The following PGAP1 variants were observed in gnomAD, a reference collection of about 807,000 sequenced individuals.
The protein encoded by PGAP1 is GPI inositol-deacylase.
Under a neutral mutation model 127.0 loss-of-function variants are expected in PGAP1, and 76 were observed. The ratio of observed to expected loss-of-function variants is 0.60; its 90% CI spans 0.50 to 0.72. PGAP1 has a LOEUF of 0.72. PGAP1 is among the 30% of genes least tolerant of loss of function. PGAP1 has a pLI of 0.00. For synonymous variants in PGAP1, 362 were observed against 366.5 expected, an observed-to-expected ratio of 0.99 and a Z score of 0.14; for missense variants, 982 against 1,071.3, an observed-to-expected ratio of 0.92 and a Z score of 1.16.
At chr2:196,911,942 T>C (rs1213943944) in intron 4 of PGAP1, among the ~76,000 whole-genome samples, 1 of 152,210 alleles carries the variant, frequency 6.6e-6, no homozygotes, top group Non-Finnish European at 1.5e-5. Flanking sequence ...CAGTACAGCA[T>C]GCAAAGGTTA....
intron 4 of PGAP1, among the ~76,000 whole-genome samples, 185 bp from the exon 5 acceptor site, chr2:196,902,927 C>T (rs921530899): frequency 1.3e-5 from 2 of 151,892 alleles, no homozygotes; most frequent in African/African-American, 4.8e-5. Flanking sequence ...TTCCTACTTC[C>T]CGATTAAATA....
chr2:196,886,343 T>C (rs897947660), intron 10 of PGAP1, among the ~76,000 whole-genome samples: 2 of 151,832 alleles, frequency 1.3e-5, no homozygotes, highest in Non-Finnish European at 2.9e-5. Flanking sequence ...GTATTTTTAG[T>C]AGAGACGAGG....
intron 12 of PGAP1, 35 bp downstream of exon 12, chr2:196,885,388 TC>T (rs1358659942): frequency 6.8e-7 from 1 of 1,460,822 alleles, no homozygotes; most frequent in Non-Finnish European, 9.5e-7. Context: ...AGTATTTTTT[TC>T]AACTGAATAT....
intron 7 of PGAP1, among the ~76,000 whole-genome samples, chr2:196,894,098 C>T (rs1286746639): frequency 4.6e-5 from 7 of 152,200 alleles, no homozygotes; most frequent in Non-Finnish European, 1.0e-4. Context: ...CAGGAGAATG[C>T]TTTATTTAGA....
At chr2:196,886,157 CTTTTT>C (rs768495810) in intron 10 of PGAP1, among the ~76,000 whole-genome samples, 1 of 122,178 alleles carries the variant, frequency 8.2e-6, no homozygotes. Flanking sequence ...CTGGTTATCT[CTTTTT>C]TTTTTTTTTT....
At chr2:196,901,102 T>C (rs960159038) in intron 5 of PGAP1, among the ~76,000 whole-genome samples, 8 of 152,224 alleles carry the variant, frequency 5.3e-5, no homozygotes, top group Non-Finnish European at 8.8e-5. Flanking sequence ...GTCCAGGAAA[T>C]AAGTTACATC....
intron 4 of PGAP1, among the ~76,000 whole-genome samples, chr2:196,906,564 G>A (rs1277179249): frequency 2.4e-5 from 1 of 41,114 alleles, no homozygotes; most frequent in African/African-American, 5.8e-5. Context: ...CCAAAGGAAC[G>A]CAGTTCCTCA....
Position 196,881,990 on chromosome 2 carries a change from C to T in PGAP1, c.1273-1837G>A, listed in dbSNP as rs7594322. ...ACATTTTTTATAGTTTTGGGTTTTA[C>T]ACTTGTTTTTAATCCATCCTGAGTT... On this transcript the variant is annotated intron_variant, in intron 12 of 26. Coordinates refer to ENST00000354764, the MANE Select transcript of PGAP1 (RefSeq NM_024989.4). Among the ~76,000 whole-genome samples, 934 of 152,204 alleles carry T rather than the reference C, an allele frequency of 6.1e-3. 7 individuals carry two copies. Among genetic ancestry groups the T allele is most frequent in the African/African-American group, 0.022 (896 of 41,534 alleles).
At position 196,853,820 on chromosome 2, in the gene PGAP1, G is replaced by A. The variant is rs531946583; in HGVS notation, c.1862-5783C>T. 2.5e-4 allele frequency among the ~76,000 whole-genome samples: 38 copies of A among 151,748 alleles called. 1 individual carries two copies. Among genetic ancestry groups the A allele is most frequent in the South Asian group, 1.3e-3 (6 of 4,798 alleles). The stretch of plus-strand genomic sequence containing the variant: ...TTTGAAGTCTTTTACTACTTTAACC[G>A]AAATACTATTATTTCACAATGACCT... On this transcript the variant is annotated intron_variant, in intron 20 of 26. Transcript: ENST00000354764.
At chr2:196,905,957 C>T (rs12386153) in intron 4 of PGAP1, among the ~76,000 whole-genome samples, 1 of 68,864 alleles carries the variant, frequency 1.5e-5, no homozygotes, top group Non-Finnish European at 3.0e-5. Context: ...CCTACGCCCA[C>T]GGAATCTCGC....
intron 1 of PGAP1, chr2:196,922,234 GA>G: frequency 8.0e-7 from 1 of 1,251,540 alleles, no homozygotes; most frequent in Non-Finnish European, 1.0e-6. Flanking sequence ...CCAGGTAATA[GA>G]AAAATGCTGA....
chr2:196,838,379 G>A lies in PGAP1; in HGVS notation c.*2855C>T, dbSNP rs1410444046. On this transcript the variant is annotated 3_prime_UTR_variant, in exon 27 of 27. Transcript: ENST00000354764. ...GTTTAACCAGCCAATAATATAGATT[G>A]TGGGCATGATGAAAACTGTGTAATT... 1 of 152,208 alleles carries A rather than the reference G, an allele frequency of 6.6e-6. No homozygotes were observed. The highest frequency in any genetic ancestry group is 1.5e-5 in the Non-Finnish European group (1 of 68,040). The allele number at this position is 152,208 out of a possible 1,614,324, so 9.4% of individuals were successfully genotyped here. A position where few individuals can be genotyped will look rare whatever the true frequency, so the allele number is the denominator to read the frequency against.
chr2:196,900,618 A>G (rs1702453613), intron 5 of PGAP1, among the ~76,000 whole-genome samples: 2 of 152,208 alleles, frequency 1.3e-5, no homozygotes, highest in Admixed American at 6.5e-5. Context: ...AGAGATAACA[A>G]GCTCCCTTGA....
At chr2:196,872,928 A>G (rs1401942064) in intron 17 of PGAP1, 32 bp downstream of exon 17, 10 of 770,118 alleles carry the variant, frequency 1.3e-5, no homozygotes, top group Non-Finnish European at 2.0e-5. Flanking sequence ...CAAAAACACC[A>G]AAGTTTAAAG....
At chr2:196,854,370 T>C (rs893945239) in intron 20 of PGAP1, among the ~76,000 whole-genome samples, 2 of 152,182 alleles carry the variant, frequency 1.3e-5, no homozygotes, top group African/African-American at 2.4e-5. Context: ...TACTAGATCT[T>C]CTTTCAGTTA....
intron 20 of PGAP1, among the ~76,000 whole-genome samples, chr2:196,858,501 T>C (rs999918251): frequency 6.6e-6 from 1 of 151,846 alleles, no homozygotes; most frequent in Non-Finnish European, 1.5e-5. Context: ...AAACACAATA[T>C]ACCAAAAGCT....
intron 10 of PGAP1, 43 bp from the exon 11 acceptor site, chr2:196,885,923 GA>G (rs1701887772): frequency 1.6e-6 from 2 of 1,282,844 alleles, no homozygotes; most frequent in Admixed American, 6.1e-5. Flanking sequence ...AAGTATTGTA[GA>G]AAATAATTAT....
intron 4 of PGAP1, among the ~76,000 whole-genome samples, chr2:196,903,253 A>T (rs189199050): frequency 3.8e-4 from 54 of 142,616 alleles, no homozygotes; most frequent in Middle Eastern, 7.2e-3. Context: ...AAAGTGGTTT[A>T]AAAAAAAAAA....
At chr2:196,878,321 G>A (rs995243497) in intron 13 of PGAP1, among the ~76,000 whole-genome samples, 1 of 152,046 alleles carries the variant, frequency 6.6e-6, no homozygotes, top group Non-Finnish European at 1.5e-5. Context: ...TAGTCTTAAG[G>A]TAATTTTTAT....
Sources: gnomAD v4.1 joint callset for allele counts (sites outside exome capture counted in the v4.1 genomes callset) on GRCh38, gnomAD v4.1.1 for gene constraint, MANE v1.5 for transcripts, NCBI Gene and HGNC (gene_info 2026-07-23, HGNC 2026-07-21) for gene names.